TPGS1: variants seen among roughly 807,000 people sequenced by gnomAD.
The protein encoded by TPGS1 is gene trap ROSA b-geo 22.
A neutral mutation model predicts 11.9 loss-of-function variants in TPGS1; 18 were observed. The ratio of observed to expected loss-of-function variants is 1.51; its 90% confidence interval spans 1.04 to 2.24. TPGS1 has a LOEUF of 2.24. Among genes scored for constraint, TPGS1 ranks in the 30% most tolerant of loss-of-function variants. The pLI is 0.00. For synonymous variants in TPGS1, 247 were observed against 218.2 expected (o/e 1.13, Z -1.16); for missense variants, 500 against 443.0 (o/e 1.13, Z -1.16).
In TPGS1 at chr19:507,705, C is replaced by T. The variant is rs776657651; in HGVS notation, c.199C>T (p.Leu67=). The T allele has an allele frequency of 1.4e-6, 2 of 1,397,552 alleles. No homozygotes were observed. Among genetic ancestry groups the T allele is most frequent in the East Asian group, 3.0e-5 (1 of 33,624 alleles). The allele number at this position is 1,397,552 out of a possible 1,614,324, so 86.6% of individuals were successfully genotyped here. ...EARPEEPIAF[L]AHYFENMGLR... is the part of the protein sequence containing the mutation. The stretch of plus-strand genomic sequence containing the variant: ...GCGGCCCGAGGAGCCGATCGCCTTC[C>T]TGGCTCACTACTTCGAGAACATGGG... Residue 67 remains leucine, a synonymous_variant, in exon 1 of 2, where the codon CTG becomes TTG. Coordinates refer to ENST00000359315, the MANE Select transcript of TPGS1 (RefSeq NM_033513.3).
In TPGS1 at chr19:519,310, C is replaced by T. The variant is rs1379310157; in HGVS notation, c.760C>T (p.Leu254=). The T allele has an allele frequency of 1.7e-6, 2 of 1,188,030 alleles. No homozygotes were observed. Among genetic ancestry groups the T allele is most frequent in the South Asian group, 4.1e-5 (1 of 24,238 alleles). The allele number at this position is 1,188,030 out of a possible 1,614,324, so 73.6% of individuals were successfully genotyped here. A position where few individuals can be genotyped will look rare whatever the true frequency, so the allele number is the denominator to read the frequency against. ...GCGCTTGGGGCCCGACAGCCTGGCG[C>T]TGGCGCTGGACCGCGCCGTCGGGGG... The part of the protein sequence containing the change: ...GSRLGPDSLA[L]ALDRAVGGRR... Residue 254 remains leucine, a synonymous_variant, in exon 2 of 2, where the codon CTG becomes TTG. Coordinates refer to ENST00000359315, the MANE Select transcript of TPGS1 (RefSeq NM_033513.3).
chr19:516,086 G>T (rs1600403125), intron 1 of TPGS1, among the ~76,000 whole-genome samples: 1 of 152,056 alleles, frequency 6.6e-6, no homozygotes, highest in South Asian at 2.1e-4. Flanking sequence ...ACAAATGTCA[G>T]TTGTGTTAAA....
At chr19:513,586 GCACC>G (rs2145833008) in intron 1 of TPGS1, among the ~76,000 whole-genome samples, 1 of 113,448 alleles carries the variant, frequency 8.8e-6, no homozygotes, top group Admixed American at 1.0e-4. Flanking sequence ...CATTTACTGA[GCACC>G]TACTGCATGC....
chr19:510,667 C>T (rs1978767101), intron 1 of TPGS1, among the ~76,000 whole-genome samples: 1 of 152,244 alleles, frequency 6.6e-6, no homozygotes, highest in South Asian at 2.1e-4. Flanking sequence ...GAAGGCCACA[C>T]GGCCACCGAG....
At chr19:515,042 A>G (rs1162173332) in intron 1 of TPGS1, among the ~76,000 whole-genome samples, 3 of 152,222 alleles carry the variant, frequency 2.0e-5, no homozygotes, top group Non-Finnish European at 4.4e-5. Flanking sequence ...GGGGCCAGAT[A>G]GTGAACATTT....
chr19:510,888 G>A (rs779127940), intron 1 of TPGS1, among the ~76,000 whole-genome samples: 151 of 152,316 alleles, frequency 9.9e-4, no homozygotes, highest in Non-Finnish European at 1.9e-3. Flanking sequence ...CCTGAGCAGC[G>A]TCCCTGGCCT....
chr19:516,040 A>T (rs1398229921), intron 1 of TPGS1, among the ~76,000 whole-genome samples: 1 of 150,114 alleles, frequency 6.7e-6, no homozygotes, highest in Admixed American at 6.6e-5. Context: ...TCAAAAAAAA[A>T]AAAAAAAGGA....
chr19:514,932 G>A (rs930065051), intron 1 of TPGS1, among the ~76,000 whole-genome samples: 1 of 152,226 alleles, frequency 6.6e-6, no homozygotes, highest in Non-Finnish European at 1.5e-5. Flanking sequence ...CACACTACCA[G>A]CACACGAGTG....
intron 1 of TPGS1, among the ~76,000 whole-genome samples, chr19:511,866 AGTTGTTTTTTT>A (rs546897289): frequency 1.1e-3 from 157 of 143,276 alleles, no homozygotes; most frequent in Non-Finnish European, 1.8e-3. Context: ...GGGGACGTCC[AGTTGTTTTTTT>A]GTTGTTTTTT....
chr19:519,348 C>G lies in TPGS1; in HGVS notation c.798C>G (p.Ser266Arg). The change falls in exon 2 of 2, where the codon AGC (serine) becomes AGG (arginine). Residue 266 changes from serine (S) to arginine (R), a missense_variant. Ser to Arg is a moderately radical substitution (Grantham distance 110). Transcript: ENST00000359315. ...GCGCCGTCGGGGGGCGGCGGCCCAG[C>G]GCGCCCATGACCCGCGAGGAGTTTC... ...LDRAVGGRRP[S>R]APMTREEFLE... 2 of 1,203,520 alleles carry G rather than the reference C, an allele frequency of 1.7e-6. No homozygotes were observed. The highest frequency in any genetic ancestry group is 2.1e-6 in the Non-Finnish European group (2 of 969,254). The allele number at this position is 1,203,520 out of a possible 1,614,324, so 74.6% of individuals were successfully genotyped here.
At chr19:518,820 C>T in intron 1 of TPGS1, 69 bp from the exon 2 acceptor site, 2 of 1,360,268 alleles carry the variant, frequency 1.5e-6, no homozygotes, top group Non-Finnish European at 1.9e-6. Context: ...ATAGGCCTGG[C>T]GAGGAGGGGA....
Position 519,636 on chromosome 19 carries a change from A to C in TPGS1, c.*213A>C. On this transcript the variant is annotated 3_prime_UTR_variant, in exon 2 of 2. Transcript: ENST00000359315. ...CGGGAGCCCCTGCCCCACGCTAATA[A>C]AATGTGTTGCGAGGCTGACGCTGGT... 1 of 308,062 alleles carries C rather than the reference A, an allele frequency of 3.2e-6. No homozygotes were observed. The highest frequency in any genetic ancestry group is 5.7e-6 in the Non-Finnish European group (1 of 174,496). 19.1% of individuals were successfully genotyped at this position (308,062 alleles called of 1,614,324 possible). A position where few individuals can be genotyped will look rare whatever the true frequency, so the allele number is the denominator to read the frequency against.
intron 1 of TPGS1, among the ~76,000 whole-genome samples, chr19:514,165 C>G (rs1341743385): frequency 6.6e-6 from 1 of 151,980 alleles, no homozygotes; most frequent in Non-Finnish European, 1.5e-5. Flanking sequence ...TGCACACTGA[C>G]CCTACATTTA....
intron 1 of TPGS1, among the ~76,000 whole-genome samples, chr19:517,092 T>G (rs1978976536): frequency 6.6e-6 from 1 of 151,888 alleles, no homozygotes; most frequent in Non-Finnish European, 1.5e-5. Flanking sequence ...CAAGACGAAC[T>G]TCCGGCCCTG....
At chr19:515,530 G>A (rs1055599578) in intron 1 of TPGS1, among the ~76,000 whole-genome samples, 3 of 152,068 alleles carry the variant, frequency 2.0e-5, no homozygotes, top group African/African-American at 2.4e-5. Flanking sequence ...GAGGTCACTC[G>A]AGATCCAGAC....
At chr19:518,442 TG>T (rs1227005760) in intron 1 of TPGS1, among the ~76,000 whole-genome samples, 1 of 26,696 alleles carries the variant, frequency 3.7e-5, no homozygotes. Context: ...CTTGGGATAC[TG>T]GGGGGAGGAG....
At chr19:518,868 C>T (rs761429807) in intron 1 of TPGS1, 21 bp from the exon 2 acceptor site, 2 of 1,491,588 alleles carry the variant, frequency 1.3e-6, no homozygotes, top group East Asian at 2.5e-5. Flanking sequence ...CTGCCGGCCC[C>T]CAACGTCCCC....
At chr19:508,013 G>C in intron 1 of TPGS1, 169 bp downstream of exon 1, 1 of 505,402 alleles carries the variant, frequency 2.0e-6, no homozygotes, top group Non-Finnish European at 3.1e-6. Flanking sequence ...TGGGCTGGAG[G>C]GTCCGGGCTT....
chr19:513,551 G>A (rs1186724112), intron 1 of TPGS1, among the ~76,000 whole-genome samples: 1 of 151,832 alleles, frequency 6.6e-6, no homozygotes, highest in Non-Finnish European at 1.5e-5. Flanking sequence ...CAGCATTACT[G>A]AGCACCTACT....
Sources: allele counts gnomAD v4.1 joint callset (sites outside exome capture counted in the v4.1 genomes callset), GRCh38; gene constraint gnomAD v4.1.1; transcripts MANE v1.5; gene names NCBI Gene and HGNC (gene_info 2026-07-23, HGNC 2026-07-21).